SLC18A2: variants seen among roughly 807,000 people sequenced by gnomAD.
SLC18A2 encodes the protein solute carrier family 18 member A2.
Under a neutral mutation model 59.2 loss-of-function variants are expected in SLC18A2, and 33 were observed. That is an observed-to-expected ratio of 0.56 (90% CI 0.42 to 0.75). SLC18A2 has a LOEUF of 0.75. Ranked by LOEUF, SLC18A2 falls within the 30% of genes least tolerant of loss-of-function variation. SLC18A2 has a pLI of 0.00. For missense variants in SLC18A2, 569 were observed against 668.6 expected (o/e 0.85, Z 1.64); for synonymous variants, 228 against 253.5 (o/e 0.90, Z 0.95).
intron 15 of SLC18A2, among the ~76,000 whole-genome samples, chr10:117,274,949 T>G (rs973020926): frequency 6.6e-6 from 1 of 152,166 alleles, no homozygotes; most frequent in Non-Finnish European, 1.5e-5. Context: ...GCCATGTAAC[T>G]AGGGCAGTGT....
Position 117,267,669 on chromosome 10 carries a change from A to T in SLC18A2, c.1123-4A>T, listed in dbSNP as rs1171187308. ...TTTAGCATAATGTTTATTTCCTCTT[A>T]CAGATTCCATTTGCAAAAAACATTT... On this transcript the variant is annotated splice_polypyrimidine_tract_variant and splice_region_variant and intron_variant, in intron 12 of 15. Transcript: ENST00000644641. The T allele has an allele frequency of 6.4e-7, 1 of 1,560,710 alleles. No individual in the cohort carries two copies. Among genetic ancestry groups the T allele is most frequent in the African/African-American group, 1.3e-5 (1 of 74,318 alleles).
Position 117,278,689 on chromosome 10 carries a change from A to C in SLC18A2, c.*1423A>C, listed in dbSNP as rs1844536058. 1 of 152,250 alleles carries C rather than the reference A, an allele frequency of 6.6e-6. No individual in the cohort carries two copies. Among genetic ancestry groups the C allele is most frequent in the Admixed American group, 6.5e-5 (1 of 15,286 alleles). The allele number at this position is 152,250 out of a possible 1,614,324, so 9.4% of individuals were successfully genotyped here. A position where few individuals can be genotyped will look rare whatever the true frequency, so the allele number is the denominator to read the frequency against. On this transcript the variant is annotated 3_prime_UTR_variant, in exon 16 of 16. Transcript: ENST00000644641. ...ATCAAGGAGCAAAGAACTTTAGAAC[A>C]GACTCCTCAATCTTGTGACTTTCTT...
At chr10:117,251,444 T>G (rs972251652) in intron 3 of SLC18A2, among the ~76,000 whole-genome samples, 7 of 152,182 alleles carry the variant, frequency 4.6e-5, no homozygotes, top group African/African-American at 1.7e-4. Context: ...TGTCACCCGA[T>G]GGCCATCTGA....
At chr10:117,248,647 C>A (rs1045330895) in intron 3 of SLC18A2, among the ~76,000 whole-genome samples, 1 of 152,184 alleles carries the variant, frequency 6.6e-6, no homozygotes, top group Non-Finnish European at 1.5e-5. Flanking sequence ...GTCTAAGAAG[C>A]AAATTTTAGA....
intron 3 of SLC18A2, among the ~76,000 whole-genome samples, chr10:117,251,064 G>A (rs1288056825): frequency 1.3e-5 from 2 of 152,180 alleles, no homozygotes; most frequent in Non-Finnish European, 2.9e-5. Context: ...AGCCTGAAGG[G>A]TTCCATATTA....
At chr10:117,264,367 T>C (rs1157523263) in intron 10 of SLC18A2, among the ~76,000 whole-genome samples, 3 of 152,252 alleles carry the variant, frequency 2.0e-5, no homozygotes, top group African/African-American at 7.2e-5. Context: ...TCCTAGCACT[T>C]TGGGAGGCTG....
chr10:117,257,963 C>A, intron 10 of SLC18A2, 71 bp downstream of exon 10: 1 of 1,081,210 alleles, frequency 9.2e-7, no homozygotes, highest in South Asian at 1.4e-5. Flanking sequence ...CCCAGGGCAT[C>A]CCTGCTGAGT....
At position 117,255,640 on chromosome 10, in the gene SLC18A2, A is replaced by G. The variant is rs1415736271; in HGVS notation, c.878A>G (p.Tyr293Cys). 1 of 1,613,752 alleles carries G rather than the reference A, an allele frequency of 6.2e-7. No homozygotes were observed. The highest frequency in any genetic ancestry group is 1.3e-5 in the African/African-American group (1 of 75,018). The change falls in exon 9 of 16, where the codon TAC becomes TGC. Residue 293 changes from tyrosine (Y) to cysteine (C), a missense_variant. This residue lies in a region of SLC18A2 where 377 missense variants were observed against 389.8 expected (regional missense o/e 0.97). Coordinates refer to ENST00000644641, the MANE Select transcript of SLC18A2 (RefSeq NM_003054.6). Reference protein sequence around the residue: ...TPLTTLLKDPYILIAAGSICF... With the variant: ...TPLTTLLKDPCILIAAGSICF... ...CTAACCACGCTGCTGAAGGACCCGT[A>G]CATCCTCATTGCTGCAGGTGGGGCT... is the stretch of plus-strand genomic sequence containing the variant.
At chr10:117,245,785 G>A (rs1056722983) in intron 3 of SLC18A2, among the ~76,000 whole-genome samples, 4 of 152,030 alleles carry the variant, frequency 2.6e-5, no homozygotes, top group African/African-American at 7.2e-5. Context: ...CTGGCCTTCC[G>A]CCAGCACAAG....
Position 117,270,060 on chromosome 10 carries a change from A to T in SLC18A2, c.1187-11A>T. On this transcript the variant is annotated splice_polypyrimidine_tract_variant and intron_variant, in intron 13 of 15. Transcript: ENST00000644641. ...CGTTTTCTATACACTGTGTTCCCTG[A>T]CTGTCTTCAGGAATGGTGGATTCGT... 1 of 1,613,716 alleles carries T rather than the reference A, an allele frequency of 6.2e-7. No individual in the cohort carries two copies. Among genetic ancestry groups the T allele is most frequent in the Non-Finnish European group, 8.5e-7 (1 of 1,179,712 alleles).
chr10:117,241,826 C>G lies in SLC18A2; in HGVS notation c.121+12C>G. ...GCTCACTGTCGTGGGTACGTGCGGA[C>G]AGGGCACCCCTGCCCCGGCACCCCA... On this transcript the variant is annotated intron_variant, in intron 2 of 15. Coordinates refer to ENST00000644641, the MANE Select transcript of SLC18A2 (RefSeq NM_003054.6). The G allele has an allele frequency of 2.5e-6, 4 of 1,600,628 alleles. No homozygotes were observed. Among genetic ancestry groups the G allele is most frequent in the Non-Finnish European group, 3.4e-6 (4 of 1,174,752 alleles).
At chr10:117,257,208 C>G (rs1445102954) in intron 9 of SLC18A2, among the ~76,000 whole-genome samples, 2 of 152,116 alleles carry the variant, frequency 1.3e-5, no homozygotes, top group African/African-American at 4.8e-5. Flanking sequence ...GGGTCTTTTT[C>G]CAGATAGTTC....
chr10:117,272,804 G>A (rs1162022565), intron 15 of SLC18A2, among the ~76,000 whole-genome samples: 1 of 152,218 alleles, frequency 6.6e-6, no homozygotes, highest in Non-Finnish European at 1.5e-5. Context: ...ACATTTGAGA[G>A]TGGTGGCCAG....
At chr10:117,264,448 C>T (rs1844326740) in intron 10 of SLC18A2, among the ~76,000 whole-genome samples, 1 of 152,204 alleles carries the variant, frequency 6.6e-6, no homozygotes, top group African/African-American at 2.4e-5. Flanking sequence ...TGCACTCCAG[C>T]CTGGGCAACA....
intron 12 of SLC18A2, 60 bp from the exon 13 acceptor site, chr10:117,267,613 C>T (rs752146534): frequency 4.7e-4 from 619 of 1,305,428 alleles, no homozygotes; most frequent in Non-Finnish European, 5.8e-4. Context: ...CAAGACTTTC[C>T]GAGATGATTT....
At chr10:117,265,578 G>A (rs1417619563) in intron 10 of SLC18A2, among the ~76,000 whole-genome samples, 2 of 152,168 alleles carry the variant, frequency 1.3e-5, no homozygotes, top group Non-Finnish European at 1.5e-5. Context: ...AGATTGTCCT[G>A]TGGTTCTGAG....
At chr10:117,274,921 G>A (rs1475411329) in intron 15 of SLC18A2, among the ~76,000 whole-genome samples, 1 of 152,160 alleles carries the variant, frequency 6.6e-6, no homozygotes, top group African/African-American at 2.4e-5. Context: ...AGATGACAGT[G>A]CTGTAGTCTT....
chr10:117,241,593 C>T, intron 1 of SLC18A2, 86 bp from the exon 2 acceptor site: 1 of 1,379,692 alleles, frequency 7.2e-7, no homozygotes, highest in Non-Finnish European at 9.4e-7. Flanking sequence ...CGCGCGGCTC[C>T]CTGACCCGCC....
Position 117,270,143 on chromosome 10 carries a change from G to A in SLC18A2, c.1259G>A (p.Ser420Asn). 10 of 1,614,252 alleles carry A rather than the reference G, an allele frequency of 6.2e-6. No individual in the cohort carries two copies. The highest frequency in any genetic ancestry group is 2.7e-5 in the African/African-American group (2 of 75,062). The change falls in exon 14 of 16, where the codon AGT becomes AAT. Residue 420 changes from serine (S) to asparagine (N), a missense_variant. Coordinates refer to ENST00000644641, the MANE Select transcript of SLC18A2 (RefSeq NM_003054.6). The stretch of plus-strand genomic sequence containing the variant: ...CTGCGGCACGTGTCCGTCTATGGGA[G>A]TGTGTACGCCATTGCGGATGTGGCA... ...VDLRHVSVYGSVYAIADVAFC... is the reference protein window; with the variant it reads ...VDLRHVSVYGNVYAIADVAFC...
Sources: gnomAD v4.1 joint callset for allele counts (sites outside exome capture counted in the v4.1 genomes callset) on GRCh38, gnomAD v4.1.1 for gene constraint, gnomAD v4.1.1 regional missense constraint, MANE v1.5 for transcripts, NCBI Gene and HGNC (gene_info 2026-07-23, HGNC 2026-07-21) for gene names.